Variants in RTN1 observed in about 807,000 individuals in gnomAD.
The protein encoded by RTN1 is reticulon 1, also known as reticulon-1.
A neutral mutation model predicts 65.5 loss-of-function variants in RTN1; 25 were observed. The observed-to-expected ratio is 0.38, with a 90% CI of 0.28 to 0.53. The LOEUF (loss-of-function observed/expected upper bound fraction) is 0.53. RTN1 is among the 20% of genes least tolerant of loss of function. The pLI, the probability that RTN1 is intolerant of heterozygous loss-of-function variation, is 0.79. For missense variants in RTN1, 983 were observed against 1,025.4 expected, an observed-to-expected ratio of 0.96 and a Z score of 0.57; for synonymous variants, 471 against 447.6, an observed-to-expected ratio of 1.05 and a Z score of -0.66.
intron 1 of RTN1, among the ~76,000 whole-genome samples, chr14:59,859,590 C>A (rs1887669516): frequency 6.6e-6 from 1 of 152,138 alleles, no homozygotes; most frequent in Admixed American, 6.5e-5. Flanking sequence ...AAAGACACAA[C>A]TTTGGAAGTG....
intron 1 of RTN1, among the ~76,000 whole-genome samples, chr14:59,748,846 G>C (rs1885286355): frequency 6.6e-6 from 1 of 151,940 alleles, no homozygotes; most frequent in Non-Finnish European, 1.5e-5. Context: ...CTGGAGTGCA[G>C]TGGAGCGATC....
intron 1 of RTN1, among the ~76,000 whole-genome samples, chr14:59,792,500 CT>C (rs141219214): frequency 0.012 from 1,892 of 152,104 alleles, 37 homozygotes; most frequent in African/African-American, 0.042. Context: ...ACTGGGTAAG[CT>C]TTGTTTATTT....
intron 3 of RTN1, among the ~76,000 whole-genome samples, chr14:59,710,289 A>T (rs879341751): frequency 8.5e-5 from 13 of 152,120 alleles, no homozygotes; most frequent in Admixed American, 6.5e-4. Flanking sequence ...GGGTCTCCCA[A>T]AGTGTTGGGA....
chr14:59,867,272 T>C (rs974444291), intron 1 of RTN1, among the ~76,000 whole-genome samples: 1 of 152,226 alleles, frequency 6.6e-6, no homozygotes, highest in East Asian at 1.9e-4. Context: ...TAACTGATCA[T>C]GAAAAAACAG....
At chr14:59,855,766 C>G (rs547816398) in intron 1 of RTN1, among the ~76,000 whole-genome samples, 22 of 152,330 alleles carry the variant, frequency 1.4e-4, no homozygotes, top group African/African-American at 5.3e-4. Context: ...TAGGCTTCCT[C>G]TAACACCACA....
chr14:59,603,172 C>G, intron 7 of RTN1, 40 bp downstream of exon 7: 1 of 1,612,056 alleles, frequency 6.2e-7, no homozygotes, highest in East Asian at 2.2e-5. Context: ...ATGATGAGGT[C>G]AAAATTCAAT....
intron 3 of RTN1, among the ~76,000 whole-genome samples, chr14:59,709,090 G>C (rs1051162615): frequency 2.6e-5 from 4 of 152,110 alleles, no homozygotes; most frequent in Admixed American, 2.6e-4. Context: ...TATTTGTTTT[G>C]TTAGATGTAA....
In RTN1 at chr14:59,603,890, A is replaced by G. The variant is rs761922624; in HGVS notation, c.2144T>C (p.Val715Ala). The stretch of plus-strand genomic sequence containing the variant: ...GGTCAGGCCATTGAAGAGAGCGCCA[A>G]CGTAGGTCAGGAGCCACATCAGGAC... ...FAVLMWLLTY[V>A]GALFNGLTLL... The change falls in exon 6 of 9, where the codon GTT becomes GCT. Residue 715 changes from valine (V) to alanine (A), a missense_variant. Physicochemically the swap from Val to Ala is moderately conservative, Grantham distance 64. Transcript: ENST00000267484. 1.5e-5 allele frequency: 24 copies of G among 1,612,094 alleles called. No individual in the cohort carries two copies. The highest frequency in any genetic ancestry group is 1.9e-5 in the Non-Finnish European group (22 of 1,178,592).
intron 1 of RTN1, among the ~76,000 whole-genome samples, chr14:59,817,287 T>G (rs933126242): frequency 6.6e-6 from 1 of 152,094 alleles, no homozygotes; most frequent in African/African-American, 2.4e-5. Context: ...AAATAAAGGA[T>G]GCCATGAGCC....
intron 8 of RTN1, 140 bp from the exon 9 acceptor site, chr14:59,596,927 C>A: frequency 1.7e-6 from 1 of 585,856 alleles, no homozygotes. Context: ...AGTACATCTG[C>A]AAATACTCTT....
intron 3 of RTN1, among the ~76,000 whole-genome samples, chr14:59,692,791 G>A (rs1883988371): frequency 6.6e-6 from 1 of 152,112 alleles, no homozygotes; most frequent in African/African-American, 2.4e-5. Context: ...CAACAAGGTT[G>A]ATATATCTTA....
At position 59,796,433 on chromosome 14, in the gene RTN1, TTTG is replaced by T. The variant is rs570727236; in HGVS notation, c.242-49955_242-49953del. Among the ~76,000 whole-genome samples the T allele has an allele frequency of 2.4e-3, 365 of 152,306 alleles. 1 individual carries two copies. Among genetic ancestry groups the T allele is most frequent in the African/African-American group, 8.5e-3 (354 of 41,566 alleles). ...CAATATAGCACTGTTCATATCATTT[TTTG>T]TTGTTATTTAAAACCTTCAGTGACT... On this transcript the variant is annotated intron_variant, in intron 1 of 8. Coordinates refer to ENST00000267484, the MANE Select transcript of RTN1 (RefSeq NM_021136.3).
At chr14:59,646,027 C>T (rs938991133) in intron 3 of RTN1, among the ~76,000 whole-genome samples, 2 of 152,148 alleles carry the variant, frequency 1.3e-5, no homozygotes, top group African/African-American at 4.8e-5. Flanking sequence ...CATTGAGGTT[C>T]CAGAGAATGG....
At chr14:59,739,869 C>G (rs887168796) in intron 2 of RTN1, among the ~76,000 whole-genome samples, 4 of 152,114 alleles carry the variant, frequency 2.6e-5, no homozygotes, top group African/African-American at 9.7e-5. Flanking sequence ...CACATCCTTC[C>G]GGTTTCACAT....
In RTN1 at chr14:59,665,353, T is replaced by A. The variant is rs534454519; in HGVS notation, c.1766-57861A>T. Among the ~76,000 whole-genome samples, 5 of 152,198 alleles carry A rather than the reference T, an allele frequency of 3.3e-5. 1 individual carries two copies. The South Asian group carries it at 1.0e-3, about 32-fold the overall frequency. ...AACCAGCCAAACTAAGCTTCATAAG[T>A]GAAGGAGAAATAAAATCCTTTACAG... On this transcript the variant is annotated intron_variant, in intron 3 of 8. Transcript: ENST00000267484.
chr14:59,820,285 A>G (rs765285413), intron 1 of RTN1, among the ~76,000 whole-genome samples: 2 of 142,530 alleles, frequency 1.4e-5, no homozygotes, highest in African/African-American at 2.6e-5. Flanking sequence ...GAGATTCTGG[A>G]TATTAGACCT....
chr14:59,622,232 T>C (rs1882273838), intron 3 of RTN1, among the ~76,000 whole-genome samples: 2 of 152,114 alleles, frequency 1.3e-5, no homozygotes, highest in Non-Finnish European at 2.9e-5. Context: ...TCCCAGCTAC[T>C]TGGGAGGCTG....
intron 1 of RTN1, among the ~76,000 whole-genome samples, chr14:59,819,442 CCCG>C (rs1886894483): frequency 6.0e-5 from 3 of 49,722 alleles, no homozygotes; most frequent in African/African-American, 2.5e-4. Flanking sequence ...ACCCCCCCCC[CCCG>C]GCCACAGCTA....
At chr14:59,720,252 T>TA (rs11414630) in intron 3 of RTN1, among the ~76,000 whole-genome samples, 63,017 of 150,260 alleles carry the variant, frequency 0.42, 13,792 homozygotes, top group African/African-American at 0.54. Flanking sequence ...GCCACCATTT[T>TA]AAAAAAAAAA....
Sources: allele counts gnomAD v4.1 joint callset (sites outside exome capture counted in the v4.1 genomes callset), GRCh38; gene constraint gnomAD v4.1.1; transcripts MANE v1.5; gene names NCBI Gene and HGNC (gene_info 2026-07-23, HGNC 2026-07-21).